Variants in CCDC148 observed in about 807,000 individuals in gnomAD.
The protein encoded by CCDC148 is coiled-coil domain containing 148, also known as coiled-coil domain-containing protein 148.
A neutral mutation model predicts 85.7 loss-of-function variants in CCDC148; 89 were observed. That is an observed-to-expected ratio of 1.04 (90% CI 0.87 to 1.24). CCDC148 has a LOEUF of 1.24. Among genes scored for constraint, CCDC148 ranks in the 50% most tolerant of loss-of-function variants. The pLI, the probability that CCDC148 is intolerant of heterozygous loss-of-function variation, is 0.00. For synonymous variants in CCDC148, 230 were observed against 213.9 expected (o/e 1.08, Z -0.66); for missense variants, 692 against 671.7 (o/e 1.03, Z -0.33).
chr2:158,344,355 C>T (rs1682889102), intron 3 of CCDC148, among the ~76,000 whole-genome samples: 1 of 152,036 alleles, frequency 6.6e-6, no homozygotes, highest in African/African-American at 2.4e-5. Context: ...TTCTACTTCA[C>T]ATAAAGGAGT....
chr2:158,223,204 G>T (rs11900840), intron 10 of CCDC148, among the ~76,000 whole-genome samples: 1 of 152,108 alleles, frequency 6.6e-6, no homozygotes, highest in East Asian at 1.9e-4. Flanking sequence ...CTACGCCCAC[G>T]GATCCTCACT....
intron 11 of CCDC148, among the ~76,000 whole-genome samples, chr2:158,208,300 T>C (rs1686361542): frequency 6.6e-6 from 1 of 152,148 alleles, no homozygotes; most frequent in Admixed American, 6.5e-5. Flanking sequence ...AGGGTATGTG[T>C]TGATTTTTCT....
intron 9 of CCDC148, among the ~76,000 whole-genome samples, chr2:158,256,241 T>G (rs1255017739): frequency 6.6e-6 from 1 of 151,822 alleles, no homozygotes; most frequent in East Asian, 1.9e-4. Flanking sequence ...CATCTGCTTT[T>G]GAGACCCATC....
chr2:158,445,419 C>G (rs1260962154), intron 1 of CCDC148, among the ~76,000 whole-genome samples: 1 of 152,184 alleles, frequency 6.6e-6, no homozygotes, highest in Non-Finnish European at 1.5e-5. Flanking sequence ...CTTTCTCAGT[C>G]TGAATCACAA....
At position 158,208,198 on chromosome 2, in the gene CCDC148, T is replaced by C. The variant is rs544894063; in HGVS notation, c.1370+12397A>G. Reference sequence around the variant, plus strand: ...AAATGAGACTTTAAGTTTATTCCCTTTGGGAATGAAGCGAGTACATTTTGG... The same window carrying C: ...AAATGAGACTTTAAGTTTATTCCCTCTGGGAATGAAGCGAGTACATTTTGG... On this transcript the variant is annotated intron_variant, in intron 11 of 13. Transcript: ENST00000283233. 3.4e-4 allele frequency among the ~76,000 whole-genome samples: 52 copies of C among 152,284 alleles called. 1 individual carries two copies. In the South Asian group the frequency reaches 0.01, roughly 30 times the overall value.
intron 9 of CCDC148, among the ~76,000 whole-genome samples, chr2:158,282,608 A>G (rs1384792191): frequency 1.3e-5 from 2 of 152,156 alleles, no homozygotes; most frequent in Non-Finnish European, 2.9e-5. Context: ...ACTACAAACC[A>G]CTGCTCAATG....
chr2:158,371,155 T>C lies in CCDC148; in HGVS notation c.26-12585A>G, dbSNP rs140667262. On this transcript the variant is annotated intron_variant, in intron 1 of 13. Transcript: ENST00000283233. Reference sequence around the variant, plus strand: ...TTTACCAATTAAAAAAGAAATTGGATTTCATGACATCAAGAATCCTTCAAG... The same window carrying C: ...TTTACCAATTAAAAAAGAAATTGGACTTCATGACATCAAGAATCCTTCAAG... 2.3e-3 allele frequency among the ~76,000 whole-genome samples: 343 copies of C among 152,082 alleles called. 3 individuals are homozygous for C. The highest frequency in any genetic ancestry group is 6.4e-3 in the South Asian group (31 of 4,822).
intron 1 of CCDC148, among the ~76,000 whole-genome samples, chr2:158,416,099 C>A (rs969636418): frequency 5.3e-5 from 8 of 152,238 alleles, no homozygotes; most frequent in Non-Finnish European, 1.2e-4. Flanking sequence ...GTGGCTTACA[C>A]CCTCTGGAGG....
intron 9 of CCDC148, among the ~76,000 whole-genome samples, chr2:158,298,951 T>C (rs759209218): frequency 9.9e-5 from 15 of 152,196 alleles, no homozygotes; most frequent in Non-Finnish European, 1.5e-4. Context: ...ATCATATTTG[T>C]AGGGCCTCTG....
intron 1 of CCDC148, among the ~76,000 whole-genome samples, chr2:158,397,407 C>T (rs1176720038): frequency 6.6e-6 from 1 of 152,136 alleles, no homozygotes; most frequent in Non-Finnish European, 1.5e-5. Context: ...AAAGGGAAGC[C>T]TATCAGACTA....
intron 7 of CCDC148, among the ~76,000 whole-genome samples, chr2:158,321,716 A>T (rs144022306): frequency 2.8e-4 from 43 of 152,296 alleles, no homozygotes; most frequent in African/African-American, 9.9e-4. Flanking sequence ...CATATTTTTA[A>T]AGACAATTAT....
chr2:158,240,756 A>G (rs796126885), intron 10 of CCDC148, among the ~76,000 whole-genome samples: 26 of 152,256 alleles, frequency 1.7e-4, no homozygotes, highest in African/African-American at 6.3e-4. Context: ...AGAAAACTGC[A>G]GAGGACAGTC....
intron 11 of CCDC148, among the ~76,000 whole-genome samples, chr2:158,205,980 T>C (rs761319508): frequency 6.6e-6 from 1 of 152,180 alleles, no homozygotes; most frequent in African/African-American, 2.4e-5. Context: ...GTTGTAATTT[T>C]TCTTTTAAGA....
chr2:158,202,871 T>C (rs975046077), intron 11 of CCDC148, among the ~76,000 whole-genome samples: 2 of 152,202 alleles, frequency 1.3e-5, no homozygotes, highest in African/African-American at 4.8e-5. Context: ...AAACTTAAAA[T>C]TGAATCTTTG....
chr2:158,282,575 C>G (rs186245380), intron 9 of CCDC148, among the ~76,000 whole-genome samples: 1 of 151,944 alleles, frequency 6.6e-6, no homozygotes, highest in African/African-American at 2.4e-5. Context: ...TTACAAGGGA[C>G]GTGAAGGACC....
intron 11 of CCDC148, among the ~76,000 whole-genome samples, chr2:158,190,761 T>C (rs1029670426): frequency 4.6e-5 from 7 of 152,174 alleles, no homozygotes; most frequent in Middle Eastern, 3.4e-3. Context: ...TAAATTCTTA[T>C]GCTAATTTTG....
chr2:158,455,103 G>T (rs778211422), intron 1 of CCDC148, among the ~76,000 whole-genome samples: 5 of 152,118 alleles, frequency 3.3e-5, no homozygotes, highest in Non-Finnish European at 5.9e-5. Context: ...TTTAAAAGAA[G>T]CAAAATCATT....
At chr2:158,436,897 G>A (rs548026991) in intron 1 of CCDC148, among the ~76,000 whole-genome samples, 5 of 152,220 alleles carry the variant, frequency 3.3e-5, no homozygotes, top group Admixed American at 2.0e-4. Context: ...TAAATTCCTC[G>A]ACACATACAC....
chr2:158,277,860 G>C (rs1303778370), intron 9 of CCDC148, among the ~76,000 whole-genome samples: 4 of 151,956 alleles, frequency 2.6e-5, no homozygotes, highest in East Asian at 1.9e-4. Flanking sequence ...CCTCCCAAAG[G>C]AGTTATGTTT....
Sources: allele counts gnomAD v4.1 joint callset (sites outside exome capture counted in the v4.1 genomes callset), GRCh38; gene constraint gnomAD v4.1.1; transcripts MANE v1.5; gene names NCBI Gene and HGNC (gene_info 2026-07-23, HGNC 2026-07-21).